Variants in NAV1 observed in about 807,000 individuals in gnomAD.
The protein encoded by NAV1 is pore membrane and/or filament interacting like protein 3.
In NAV1, 18 loss-of-function variants were observed where a neutral mutation model predicts 175.2. That is an observed-to-expected ratio of 0.10 (90% CI 0.07 to 0.15). NAV1 has a LOEUF of 0.15. Among genes scored for constraint, NAV1 ranks in the 10% least tolerant of loss-of-function variants. NAV1 has a pLI of 1.00. For missense variants in NAV1, 1,731 were observed against 2,436.6 expected (o/e 0.71, Z 6.10); for synonymous variants, 897 against 978.7 (o/e 0.92, Z 1.56).
rs184517961 is a variant in NAV1, at chr1:201,809,391, T to C, written c.4306-51T>C. On this transcript the variant is annotated intron_variant, in intron 21 of 29. Transcript: ENST00000367296. ...CTAAGGCCTTTAGGACCCCGGTTCA[T>C]GGAGTCATCTGCAGTGAAGCTCAAG... 5.1e-4 allele frequency: 817 copies of C among 1,597,710 alleles called. 7 individuals carry two copies. In the African/African-American group the frequency reaches 9.9e-3, roughly 19 times the overall value.
intron 2 of NAV1, among the ~76,000 whole-genome samples, chr1:201,607,721 A>C (rs1420595447): frequency 2.0e-5 from 3 of 152,052 alleles, no homozygotes; most frequent in African/African-American, 7.2e-5. Context: ...CGAACTCCTG[A>C]CTTCAAGTGA....
chr1:201,764,426 A>C (rs1052951669), intron 3 of NAV1, among the ~76,000 whole-genome samples: 1 of 152,182 alleles, frequency 6.6e-6, no homozygotes, highest in African/African-American at 2.4e-5. Flanking sequence ...ACATGGCCTT[A>C]ACTGTGCACA....
chr1:201,799,050 T>C (rs759638728), intron 15 of NAV1, among the ~76,000 whole-genome samples: 2 of 151,946 alleles, frequency 1.3e-5, no homozygotes, highest in Non-Finnish European at 2.9e-5. Context: ...AGAATGTTCT[T>C]ATTCTTAGAA....
At position 201,562,171 on chromosome 1, in the gene NAV1, A is replaced by ATTTTTTTTT. The variant is rs566214709; in HGVS notation, c.-144+22838_-144+22846dup. On this transcript the variant is annotated intron_variant, in intron 1 of 33. Transcript: ENST00000685211. ...AGGCACACACCACCTTGCCTGGCTAATTTTTTTTTTTTTTTTTGTAGAGAC... is the reference window on the plus strand; with the variant it reads ...AGGCACACACCACCTTGCCTGGCTAATTTTTTTTTTTTTTTTTTTTTTTTTTGTAGAGAC... 1.7e-3 allele frequency among the ~76,000 whole-genome samples: 217 copies of ATTTTTTTTT among 127,200 alleles called. 7 individuals are homozygous for ATTTTTTTTT. Among genetic ancestry groups the ATTTTTTTTT allele is most frequent in the African/African-American group, 6.1e-3 (187 of 30,780 alleles). The allele number at this position is 127,200 out of a possible 152,430, so 83.4% of individuals were successfully genotyped here. A position where few individuals can be genotyped will look rare whatever the true frequency, so the allele number is the denominator to read the frequency against.
chr1:201,647,760 G>A (rs1669021750), upstream of NAV1, among the ~76,000 whole-genome samples: 1 of 151,898 alleles, frequency 6.6e-6, no homozygotes, highest in African/African-American at 2.4e-5. Flanking sequence ...GTTGGGGGAG[G>A]GGAATGAGCA....
At chr1:201,592,006 C>T (rs1351760969) in intron 2 of NAV1, among the ~76,000 whole-genome samples, 3 of 152,158 alleles carry the variant, frequency 2.0e-5, no homozygotes, top group Admixed American at 2.0e-4. Context: ...TTTGATGAGG[C>T]AGCCTGTGCA....
intron 1 of NAV1, among the ~76,000 whole-genome samples, chr1:201,700,871 C>T (rs1224422526): frequency 4.6e-5 from 7 of 151,552 alleles, no homozygotes; most frequent in Non-Finnish European, 1.0e-4. Context: ...ATTAGCCAGG[C>T]GTGGTGGCAG....
intron 1 of NAV1, among the ~76,000 whole-genome samples, chr1:201,669,375 G>T (rs1669949139): frequency 6.6e-6 from 1 of 152,176 alleles, no homozygotes; most frequent in African/African-American, 2.4e-5. Context: ...AGTCAACCAG[G>T]CAGAGGGACA....
intron 1 of NAV1, among the ~76,000 whole-genome samples, chr1:201,624,125 C>A (rs1668256151): frequency 6.6e-6 from 1 of 152,170 alleles, no homozygotes; most frequent in African/African-American, 2.4e-5. Flanking sequence ...CGTTTGCTCA[C>A]TCCATTTGCT....
At chr1:201,794,261 C>G in intron 14 of NAV1, 1 of 640,544 alleles carries the variant, frequency 1.6e-6, no homozygotes, top group Non-Finnish European at 2.9e-6. Flanking sequence ...AAGCGATTCT[C>G]CTGCTTCAGC....
chr1:201,634,335 A>T (rs895715395), intron 2 of NAV1, among the ~76,000 whole-genome samples: 10 of 152,244 alleles, frequency 6.6e-5, no homozygotes, highest in African/African-American at 2.4e-4. Context: ...TTTGCAGATG[A>T]GGAAACTGGG....
intron 1 of NAV1, among the ~76,000 whole-genome samples, chr1:201,664,398 C>A (rs557421436): frequency 6.6e-6 from 1 of 152,098 alleles, no homozygotes; most frequent in Non-Finnish European, 1.5e-5. Context: ...CATGAGATTC[C>A]GAGTCAATTA....
At chr1:201,615,267 C>CTTTT (rs949162841) in intron 2 of NAV1, among the ~76,000 whole-genome samples, 5 of 141,972 alleles carry the variant, frequency 3.5e-5, no homozygotes, top group African/African-American at 1.1e-4. Flanking sequence ...TTCTTTCTTT[C>CTTTT]TTTTTTTTTT....
chr1:201,555,178 G>A (rs1001349559), intron 1 of NAV1, among the ~76,000 whole-genome samples: 3 of 152,030 alleles, frequency 2.0e-5, no homozygotes, highest in African/African-American at 4.8e-5. Flanking sequence ...GGTCACATTC[G>A]GAGACACTGG....
At chr1:201,557,050 G>A (rs1216262962) in intron 1 of NAV1, among the ~76,000 whole-genome samples, 2 of 152,136 alleles carry the variant, frequency 1.3e-5, no homozygotes, top group East Asian at 3.9e-4. Flanking sequence ...CTTGGAGGGG[G>A]CTGAGATGAA....
intron 2 of NAV1, among the ~76,000 whole-genome samples, chr1:201,597,531 A>G (rs1667387857): frequency 6.6e-6 from 1 of 152,206 alleles, no homozygotes. Flanking sequence ...TGAGAAGAGG[A>G]TCTGCAAAGA....
intron 2 of NAV1, among the ~76,000 whole-genome samples, chr1:201,589,918 A>C (rs1351445194): frequency 1.3e-5 from 2 of 151,970 alleles, no homozygotes; most frequent in African/African-American, 4.8e-5. Flanking sequence ...TTTGAGATGG[A>C]TTCTCGCTTT....
intron 3 of NAV1, among the ~76,000 whole-genome samples, chr1:201,779,616 A>AAAAAAAAAAAAAAAAAAAAAAAAAAC: frequency 6.6e-6 from 1 of 150,870 alleles, no homozygotes; most frequent in Admixed American, 6.6e-5. Context: ...AAAAAAAAAA[A>AAAAAAAAAAAAAAAAAAAAAAAAAAC]AAAAAGAACA....
At chr1:201,696,150 A>G (rs550365) in intron 1 of NAV1, among the ~76,000 whole-genome samples, 128,769 of 151,822 alleles carry the variant, frequency 0.85, 54,683 homozygotes, top group East Asian at 0.93. Context: ...GGGAGCCTCC[A>G]GTCCCACACA....
Sources: gnomAD v4.1 joint callset for allele counts (sites outside exome capture counted in the v4.1 genomes callset) on GRCh38, gnomAD v4.1.1 for gene constraint, MANE v1.5 for transcripts, NCBI Gene and HGNC (gene_info 2026-07-23, HGNC 2026-07-21) for gene names.